The following ABCC12 variants were observed in gnomAD, a reference collection of about 807,000 sequenced individuals.
The protein encoded by ABCC12 is ATP binding cassette subfamily C member 12.
Under a neutral mutation model 151.1 loss-of-function variants are expected in ABCC12, and 142 were observed. The ratio of observed to expected loss-of-function variants is 0.94; its 90% CI spans 0.82 to 1.08. ABCC12 has a LOEUF of 1.08. Ranked by LOEUF, ABCC12 falls within the 50% of genes least tolerant of loss-of-function variation. The pLI is 0.00. For synonymous variants in ABCC12, 645 were observed against 646.4 expected, an observed-to-expected ratio of 1.00 and a Z score of 0.03; for missense variants, 1,638 against 1,691.1, an observed-to-expected ratio of 0.97 and a Z score of 0.55.
At chr16:48,095,256 C>T (rs1963054869) in intron 24 of ABCC12, among the ~76,000 whole-genome samples, 1 of 152,090 alleles carries the variant, frequency 6.6e-6, no homozygotes, top group Non-Finnish European at 1.5e-5. Context: ...AGGGGTTTCC[C>T]CTTTCACTTG....
In ABCC12 at chr16:48,096,793, A is replaced by G. The variant is rs142376716; in HGVS notation, c.3148T>C (p.Ser1050Pro). 426 of 1,614,072 alleles carry G rather than the reference A, an allele frequency of 2.6e-4. 2 individuals are homozygous for G. The African/African-American group carries it at 5.0e-3, about 19-fold the overall frequency. ...VALLVTLSFS[S>P]ISTSSKGLSL... Reference sequence around the variant, plus strand: ...AGGCCTTTGGATGAAGTACTGATGGAGGAGAAACTCAGGGTCACCAACAAG... The same window carrying G: ...AGGCCTTTGGATGAAGTACTGATGGGGGAGAAACTCAGGGTCACCAACAAG... Residue 1050 changes from serine to proline, a missense_variant, in exon 24 of 31, where the codon TCC (serine) becomes CCC (proline). By Grantham distance (74) the Ser-to-Pro change is moderately conservative. Coordinates refer to ENST00000311303, the MANE Select transcript of ABCC12 (RefSeq NM_001393797.1).
intron 2 of ABCC12, among the ~76,000 whole-genome samples, chr16:48,151,314 T>C (rs1965114229): frequency 6.6e-6 from 1 of 152,064 alleles, no homozygotes; most frequent in Non-Finnish European, 1.5e-5. Flanking sequence ...GTCTACAAAA[T>C]ACCTGACTGG....
At chr16:48,104,048 G>A in intron 22 of ABCC12, 94 bp downstream of exon 22, 2 of 1,323,346 alleles carry the variant, frequency 1.5e-6, no homozygotes, top group East Asian at 4.8e-5. Flanking sequence ...TAGACCATCA[G>A]TAAAGACAGC....
intron 2 of ABCC12, among the ~76,000 whole-genome samples, chr16:48,152,009 C>T (rs906859523): frequency 2.6e-5 from 4 of 152,138 alleles, no homozygotes; most frequent in African/African-American, 4.8e-5. Flanking sequence ...GTGGTGTGCC[C>T]GTGTCATGGG....
At chr16:48,141,000 A>G (rs1964790761) in intron 5 of ABCC12, 80 bp from the exon 6 acceptor site, 1 of 1,454,642 alleles carries the variant, frequency 6.9e-7, no homozygotes. Context: ...CATGCCAGCA[A>G]GCTGACTTTA....
chr16:48,114,980 G>T (rs1205904582), intron 15 of ABCC12, among the ~76,000 whole-genome samples: 4 of 152,168 alleles, frequency 2.6e-5, no homozygotes, highest in Admixed American at 2.6e-4. Flanking sequence ...TGGGGCATCT[G>T]GGCCCCTCAT....
chr16:48,143,962 C>T lies in ABCC12; in HGVS notation c.223G>A (p.Asp75Asn). 2 of 1,614,180 alleles carry T rather than the reference C, an allele frequency of 1.2e-6. No homozygotes were observed. Among genetic ancestry groups the T allele is most frequent in the Non-Finnish European group, 8.5e-7 (1 of 1,180,038 alleles). The change falls in exon 4 of 31, where the codon GAC becomes AAC. Residue 75 changes from aspartate (D) to asparagine (N), a missense_variant. By Grantham distance (23) the Asp-to-Asn change is conservative. Coordinates refer to ENST00000311303, the MANE Select transcript of ABCC12 (RefSeq NM_001393797.1). Reference protein sequence around the residue: ...VKGYRQRLTVDTLPPLSTYDS... With the variant: ...VKGYRQRLTVNTLPPLSTYDS... ...TATGTCGACAATGGGGGCAGGGTGTCTACGGTCAGCCTTTGCCGGTAGCCT... is the reference window on the plus strand; with the variant it reads ...TATGTCGACAATGGGGGCAGGGTGTTTACGGTCAGCCTTTGCCGGTAGCCT...
intron 2 of ABCC12, among the ~76,000 whole-genome samples, chr16:48,150,564 T>A (rs1965103698): frequency 6.6e-6 from 1 of 152,158 alleles, no homozygotes; most frequent in South Asian, 2.1e-4. Flanking sequence ...CACAAATTCA[T>A]GTGCTTGCAA....
rs1482124036 is a variant in ABCC12 at position 48,104,220 on chromosome 16, A to G, written c.2822T>C (p.Leu941Pro). The change falls in exon 22 of 31, where the codon CTC (leucine) becomes CCC (proline). Residue 941 changes from leucine (L) to proline (P), a missense_variant. Transcript: ENST00000311303. ...LQQFFMVVFI[L>P]VILAAVFPAV... ...AGGAAACACAGCAGCCAAGATCACG[A>G]GAATAAACACCACCATAAAAAACTG... 2 of 1,614,132 alleles carry G rather than the reference A, an allele frequency of 1.2e-6. No individual in the cohort carries two copies. The highest frequency in any genetic ancestry group is 1.3e-5 in the African/African-American group (1 of 74,938).
chr16:48,125,540 C>T (rs149122923), intron 11 of ABCC12, among the ~76,000 whole-genome samples: 2 of 152,116 alleles, frequency 1.3e-5, no homozygotes, highest in Admixed American at 6.5e-5. Flanking sequence ...AGGAAGGGTG[C>T]CATGGGGTAT....
chr16:48,121,915 G>A, intron 12 of ABCC12, 75 bp from the exon 13 acceptor site: 1 of 1,592,856 alleles, frequency 6.3e-7, no homozygotes, highest in Non-Finnish European at 8.6e-7. Flanking sequence ...TTGCACCCTG[G>A]CACCCACATA....
rs774820076 is a variant in ABCC12, at chr16:48,083,719, A to T, written c.4076T>A (p.Leu1359Ter). Residue 1359 changes from leucine to a stop codon, truncating the protein, a stop_gained, in exon 31 of 31, where the codon TTG (leucine) becomes TAG (stop). Transcript: ENST00000311303. LOFTEE classifies it high-confidence loss of function. The part of the protein sequence containing the change: ...FAMLLAAEVR[L>*] The stretch of plus-strand genomic sequence containing the variant: ...TAGAATCAGCCGCCAGGACCTCTAC[A>T]ATCTGACTTCTGCTGCTAGTAACAT... 6.2e-7 allele frequency: 1 copy of T among 1,613,988 alleles called. No homozygotes were observed. Among genetic ancestry groups the T allele is most frequent in the African/African-American group, 1.3e-5 (1 of 74,888 alleles).
chr16:48,111,027 C>T (rs1018841152), intron 18 of ABCC12, among the ~76,000 whole-genome samples: 8 of 152,226 alleles, frequency 5.3e-5, no homozygotes, highest in Admixed American at 5.2e-4. Context: ...GAGTGGGAAG[C>T]TCCGTGTCTG....
At chr16:48,091,232 C>G (rs375427434) in intron 24 of ABCC12, 23 bp from the exon 25 acceptor site, 1 of 1,610,508 alleles carries the variant, frequency 6.2e-7, no homozygotes, top group Non-Finnish European at 8.5e-7. Flanking sequence ...AGCGAGCAGC[C>G]GCAGTTAGAG....
intron 20 of ABCC12, 143 bp from the exon 21 acceptor site, chr16:48,105,479 T>A (rs1963461227): frequency 1.2e-6 from 1 of 842,880 alleles, no homozygotes; most frequent in Non-Finnish European, 1.8e-6. Flanking sequence ...TACAATCTAG[T>A]CTGTTCCCTT....
At chr16:48,094,929 TG>T (rs1567444971) in intron 24 of ABCC12, among the ~76,000 whole-genome samples, 1 of 151,970 alleles carries the variant, frequency 6.6e-6, no homozygotes, top group East Asian at 1.9e-4. Flanking sequence ...TAAATACTAA[TG>T]GGTCAGGAGA....
intron 18 of ABCC12, among the ~76,000 whole-genome samples, chr16:48,110,191 C>T (rs763377696): frequency 4.3e-4 from 65 of 152,326 alleles, no homozygotes; most frequent in South Asian, 8.3e-4. Context: ...TTGTCACAAG[C>T]ACCATTGAGG....
chr16:48,105,739 T>C (rs1057343605), intron 20 of ABCC12, among the ~76,000 whole-genome samples: 1 of 152,132 alleles, frequency 6.6e-6, no homozygotes, highest in Non-Finnish European at 1.5e-5. Flanking sequence ...CCGGACTGGA[T>C]AGAGGATCAG....
chr16:48,093,157 G>T (rs192078147), intron 24 of ABCC12, among the ~76,000 whole-genome samples: 2 of 152,206 alleles, frequency 1.3e-5, no homozygotes, highest in Admixed American at 6.5e-5. Context: ...ATCCTACCAC[G>T]CACAGAACAG....
Sources: allele counts gnomAD v4.1 joint callset (sites outside exome capture counted in the v4.1 genomes callset), GRCh38; gene constraint gnomAD v4.1.1; transcripts MANE v1.5; gene names NCBI Gene and HGNC (gene_info 2026-07-23, HGNC 2026-07-21).